PHF21B: variants seen among roughly 807,000 people sequenced by gnomAD.
The protein encoded by PHF21B is PHD finger protein 4.
Under a neutral mutation model 62.2 loss-of-function variants are expected in PHF21B, and 22 were observed. That is an observed-to-expected ratio of 0.35 (90% CI 0.25 to 0.51). The LOEUF (loss-of-function observed/expected upper bound fraction) is 0.51. PHF21B is among the 20% of genes least tolerant of loss of function. PHF21B has a pLI of 0.97. For synonymous variants in PHF21B, 341 were observed against 314.7 expected (o/e 1.08, Z -0.88); for missense variants, 701 against 707.9 (o/e 0.99, Z 0.11).
intron 2 of PHF21B, chr22:44,971,414 G>A (rs1367086221): frequency 1.3e-5 from 2 of 152,224 alleles, no homozygotes; most frequent in Non-Finnish European, 2.9e-5. Context: ...GGCAGCAGAA[G>A]GAGTGCATCC....
At position 44,980,374 on chromosome 22, in the gene PHF21B, G is replaced by T. The variant is rs551365907; in HGVS notation, c.120+28171C>A. ...GAAGTAGGTAACATGTAGCGATGTGGACACACGGTTCCCAGAGTCTCCTGA... is the reference window on the plus strand; with the variant it reads ...GAAGTAGGTAACATGTAGCGATGTGTACACACGGTTCCCAGAGTCTCCTGA... On this transcript the variant is annotated intron_variant, in intron 2 of 12. Coordinates refer to ENST00000313237, the MANE Select transcript of PHF21B (RefSeq NM_138415.5). Among the ~76,000 whole-genome samples, 14 of 152,316 alleles carry T rather than the reference G, an allele frequency of 9.2e-5. No homozygotes were observed. The East Asian group carries it at 2.5e-3, about 27-fold the overall frequency.
Position 45,000,265 on chromosome 22 carries a change from C to T in PHF21B, c.120+8280G>A, listed in dbSNP as rs77204544. Among the ~76,000 whole-genome samples the T allele has an allele frequency of 0.015, 2,323 of 152,264 alleles. 373 individuals are homozygous for T. In the East Asian group the frequency reaches 0.35, roughly 23 times the overall value. On this transcript the variant is annotated intron_variant, in intron 2 of 12. Coordinates refer to ENST00000313237, the MANE Select transcript of PHF21B (RefSeq NM_138415.5). ...GGGCCTCCAAGGCTGGGCCACCGGA[C>T]ACCCTCAAAGCTCCTTAACCCCCTA...
In PHF21B at chr22:45,009,765, A is replaced by C; in HGVS notation, c.-216T>G. 2 of 372,906 alleles carry C rather than the reference A, an allele frequency of 5.4e-6. No homozygotes were observed. Among genetic ancestry groups the C allele is most frequent in the Non-Finnish European group, 9.6e-6 (2 of 207,740 alleles). The allele number at this position is 372,906 out of a possible 1,614,324, so 23.1% of individuals were successfully genotyped here. A position where few individuals can be genotyped will look rare whatever the true frequency, so the allele number is the denominator to read the frequency against. On this transcript the variant is annotated 5_prime_UTR_variant, in exon 1 of 13. Transcript: ENST00000313237. The surrounding 1 kb of genome is among the most constrained non-coding windows in gnomAD (Gnocchi z 5.9). ...CGGCGCCGAGCCCTCGGCTGCCCCAACTCCTCAGGCTGCCCGGCAAGTTGC... is the reference window on the plus strand; with the variant it reads ...CGGCGCCGAGCCCTCGGCTGCCCCACCTCCTCAGGCTGCCCGGCAAGTTGC...
At chr22:45,007,021 G>C (rs1225396119) in intron 2 of PHF21B, among the ~76,000 whole-genome samples, 1 of 151,946 alleles carries the variant, frequency 6.6e-6, no homozygotes, top group Non-Finnish European at 1.5e-5. Flanking sequence ...CCAACTCCCC[G>C]ACTTCGCCGG....
intron 5 of PHF21B, 122 bp downstream of exon 5, chr22:44,913,700 C>T (rs2071383787): frequency 1.5e-6 from 2 of 1,367,446 alleles, no homozygotes; most frequent in Non-Finnish European, 1.9e-6. Context: ...CTGCACAGGG[C>T]AGCTGTGCCC....
At chr22:44,961,417 C>G (rs2072417871) in intron 2 of PHF21B, among the ~76,000 whole-genome samples, 1 of 152,136 alleles carries the variant, frequency 6.6e-6, no homozygotes, top group Non-Finnish European at 1.5e-5. Context: ...CCCCTCCTTC[C>G]CTCTCTGCTC....
At chr22:45,007,595 A>AGGG (rs1278589993) in intron 2 of PHF21B, among the ~76,000 whole-genome samples, 2 of 53,354 alleles carry the variant, frequency 3.7e-5, no homozygotes, top group Non-Finnish European at 8.7e-5. Context: ...GGAGGGAGGG[A>AGGG]GGGGCGCCGC....
chr22:44,975,763 G>C (rs1223567018), intron 2 of PHF21B, among the ~76,000 whole-genome samples: 1 of 152,252 alleles, frequency 6.6e-6, no homozygotes, highest in Non-Finnish European at 1.5e-5. Flanking sequence ...GGGCTCTTGG[G>C]GCCAGCGGGT....
At chr22:44,952,275 G>A (rs570749374) in intron 2 of PHF21B, among the ~76,000 whole-genome samples, 110 of 152,232 alleles carry the variant, frequency 7.2e-4, no homozygotes, top group African/African-American at 2.1e-3. Context: ...CTCGAGAGTC[G>A]GAGGTTGCAG....
chr22:44,899,594 CTTT>C (rs1210017743), intron 5 of PHF21B, among the ~76,000 whole-genome samples: 1 of 152,094 alleles, frequency 6.6e-6, no homozygotes, highest in Non-Finnish European at 1.5e-5. Context: ...CCAGCCTCTT[CTTT>C]TTTCTTCTCC....
At chr22:44,997,939 A>G (rs2073149849) in intron 2 of PHF21B, among the ~76,000 whole-genome samples, 1 of 151,606 alleles carries the variant, frequency 6.6e-6, no homozygotes, top group Non-Finnish European at 1.5e-5. Context: ...TTGGGGAATG[A>G]CTCTTCCGTA....
intron 2 of PHF21B, among the ~76,000 whole-genome samples, chr22:45,002,504 T>C (rs916270552): frequency 6.6e-6 from 1 of 152,238 alleles, no homozygotes; most frequent in African/African-American, 2.4e-5. Flanking sequence ...GCCTGGTTTA[T>C]GTACTGGTCA....
At chr22:44,957,521 G>A (rs1182231290) in intron 2 of PHF21B, among the ~76,000 whole-genome samples, 1 of 152,168 alleles carries the variant, frequency 6.6e-6, no homozygotes, top group African/African-American at 2.4e-5. Context: ...AATAACGTAT[G>A]CACAGAATCA....
chr22:44,986,029 TCACCATCAG>T (rs1187782918), intron 2 of PHF21B, among the ~76,000 whole-genome samples: 2 of 128,080 alleles, frequency 1.6e-5, no homozygotes, highest in Non-Finnish European at 3.4e-5. Context: ...AGCACCACCA[TCACCATCAG>T]CACCACCACC....
intron 2 of PHF21B, among the ~76,000 whole-genome samples, chr22:44,937,568 T>G (rs1330412739): frequency 6.6e-6 from 1 of 152,220 alleles, no homozygotes; most frequent in African/African-American, 2.4e-5. Context: ...ACCCAGCAAT[T>G]TCACTCCTAG....
At chr22:44,908,378 G>A (rs1361608237) in intron 5 of PHF21B, among the ~76,000 whole-genome samples, 4 of 152,250 alleles carry the variant, frequency 2.6e-5, no homozygotes, top group South Asian at 4.1e-4. Context: ...CCTCCTAGGT[G>A]GTCTTATCTC....
chr22:44,886,007 G>T, intron 10 of PHF21B, 69 bp from the exon 11 acceptor site: 2 of 1,482,664 alleles, frequency 1.3e-6, no homozygotes, highest in Admixed American at 1.7e-5. Flanking sequence ...CCACACCCTG[G>T]CTGTGTAACC....
chr22:44,975,762 G>C (rs951039355), intron 2 of PHF21B, among the ~76,000 whole-genome samples: 7 of 152,384 alleles, frequency 4.6e-5, no homozygotes, highest in African/African-American at 1.4e-4. Context: ...AGGGCTCTTG[G>C]GGCCAGCGGG....
intron 2 of PHF21B, among the ~76,000 whole-genome samples, chr22:44,933,969 A>G (rs2071794731): frequency 6.6e-6 from 1 of 152,200 alleles, no homozygotes; most frequent in Non-Finnish European, 1.5e-5. Flanking sequence ...CATGCTCAGC[A>G]GTCGCTGCAT....
Sources: allele counts gnomAD v4.1 joint callset (sites outside exome capture counted in the v4.1 genomes callset), GRCh38; gene constraint gnomAD v4.1.1; non-coding constraint Gnocchi (gnomAD v3.1); transcripts MANE v1.5; gene names NCBI Gene and HGNC (gene_info 2026-07-23, HGNC 2026-07-21).